HEG1: variants seen among roughly 807,000 people sequenced by gnomAD.
HEG1 encodes protein HEG homolog 1.
HEG1 carries 56 observed loss-of-function variants against 125.6 expected under a neutral mutation model. The observed-to-expected ratio is 0.45, with a 90% CI of 0.36 to 0.56. The LOEUF (loss-of-function observed/expected upper bound fraction) is 0.56. Ranked by LOEUF, HEG1 falls within the 20% of genes least tolerant of loss-of-function variation. The probability of loss-of-function intolerance (pLI) is 0.00; values close to 1 mark genes in which losing one functional copy is unlikely to be tolerated. For missense variants in HEG1, 1,523 were observed against 1,670.0 expected (o/e 0.91, Z 1.53); for synonymous variants, 644 against 668.5 (o/e 0.96, Z 0.57).
rs1936354301 is a variant in HEG1 at position 124,968,258 on chromosome 3, TGCA to T, written c.*2391_*2393del. 2 of 152,298 alleles carry T rather than the reference TGCA, an allele frequency of 1.3e-5. No homozygotes were observed. Among genetic ancestry groups the T allele is most frequent in the East Asian group, 3.9e-4 (2 of 5,176 alleles). The allele number at this position is 152,298 out of a possible 1,614,324, so 9.4% of individuals were successfully genotyped here. On this transcript the variant is annotated 3_prime_UTR_variant, in exon 17 of 17. Coordinates refer to ENST00000311127, the MANE Select transcript of HEG1 (RefSeq NM_020733.2). ...TGCAGCTAGGAACCCCGTGCAGGAG[TGCA>T]GCTGGCCTCTCCCTTCCTCACTGGG...
chr3:124,992,764 T>C (rs1444905638), intron 12 of HEG1, among the ~76,000 whole-genome samples: 1 of 152,250 alleles, frequency 6.6e-6, no homozygotes, highest in Non-Finnish European at 1.5e-5. Context: ...TATTAACATA[T>C]CACTAGAGTG....
chr3:124,987,418 C>T (rs1347868782), intron 14 of HEG1, among the ~76,000 whole-genome samples: 3 of 152,138 alleles, frequency 2.0e-5, no homozygotes, highest in East Asian at 1.9e-4. Flanking sequence ...CTCTCTCTTT[C>T]TCTGCCATCA....
chr3:124,998,921 A>G lies in HEG1; in HGVS notation c.3518-1098T>C, dbSNP rs140328063. Among the ~76,000 whole-genome samples, 487 of 152,314 alleles carry G rather than the reference A, an allele frequency of 3.2e-3. 1 individual carries two copies. Among genetic ancestry groups the G allele is most frequent in the Non-Finnish European group, 5.1e-3 (347 of 68,026 alleles). On this transcript the variant is annotated intron_variant, in intron 11 of 16. Transcript: ENST00000311127. ...GAAGAAAGATGCAAGGGGAAGGGCCATGTATCTATTGTGCAGGGAGGAATG... is the reference window on the plus strand; with the variant it reads ...GAAGAAAGATGCAAGGGGAAGGGCCGTGTATCTATTGTGCAGGGAGGAATG...
chr3:125,040,624 C>T (rs1241171981), intron 1 of HEG1, among the ~76,000 whole-genome samples: 1 of 152,064 alleles, frequency 6.6e-6, no homozygotes, highest in Non-Finnish European at 1.5e-5. Flanking sequence ...AGCAATGGAT[C>T]CTTATACCTA....
chr3:124,990,014 A>T (rs1386952977), intron 14 of HEG1, among the ~76,000 whole-genome samples: 1 of 152,084 alleles, frequency 6.6e-6, no homozygotes, highest in Non-Finnish European at 1.5e-5. Context: ...CAGAACACCA[A>T]GGGCCCATGG....
At chr3:124,979,117 T>A (rs1291148383) in intron 14 of HEG1, among the ~76,000 whole-genome samples, 3 of 151,874 alleles carry the variant, frequency 2.0e-5, no homozygotes, top group Non-Finnish European at 2.9e-5. Context: ...GCCCTGCTAA[T>A]TTTTTTGTGT....
In HEG1 at chr3:124,967,128, C is replaced by T. The variant is rs368469503; in HGVS notation, c.*3524G>A. Reference sequence around the variant, plus strand: ...TGTCTTAGCTGCTTCTGAAAATATACTTCCCCTCAAAGGAGGAAGATGTGT... The same window carrying T: ...TGTCTTAGCTGCTTCTGAAAATATATTTCCCCTCAAAGGAGGAAGATGTGT... On this transcript the variant is annotated 3_prime_UTR_variant, in exon 17 of 17. Coordinates refer to ENST00000311127, the MANE Select transcript of HEG1 (RefSeq NM_020733.2). The T allele has an allele frequency of 8.5e-5, 13 of 152,360 alleles. No homozygotes were observed. The highest frequency in any genetic ancestry group is 3.1e-4 in the African/African-American group (13 of 41,586). 9.4% of individuals were successfully genotyped at this position (152,360 alleles called of 1,614,324 possible).
intron 3 of HEG1, 140 bp downstream of exon 3, chr3:125,027,065 G>A: frequency 1.4e-6 from 1 of 694,848 alleles, no homozygotes; most frequent in Non-Finnish European, 2.3e-6. Context: ...CCAAGTACCT[G>A]GCATTAGAGG....
chr3:125,039,395 T>C (rs1187996805), intron 1 of HEG1, among the ~76,000 whole-genome samples: 1 of 151,988 alleles, frequency 6.6e-6, no homozygotes, highest in Non-Finnish European at 1.5e-5. Flanking sequence ...GTGGAGTGAG[T>C]AGGAGCATAC....
At chr3:125,019,803 C>T (rs1415355650) in intron 4 of HEG1, among the ~76,000 whole-genome samples, 3 of 152,182 alleles carry the variant, frequency 2.0e-5, no homozygotes, top group Non-Finnish European at 4.4e-5. Context: ...AAAAATATAA[C>T]TTGTTGAACA....
Position 125,027,268 on chromosome 3 carries a change from C to G in HEG1, c.850G>C (p.Asp284His). ...CTGTAGAAATGCAGCCAGGAGAGATCTGGTCCTGAGGAATTTCTCTTCCTA... is the reference window on the plus strand; with the variant it reads ...CTGTAGAAATGCAGCCAGGAGAGATGTGGTCCTGAGGAATTTCTCTTCCTA... ...PSRKRNSSGP[D>H]LSWLHFYRTA... The change falls in exon 3 of 17, where the codon GAT (aspartate) becomes CAT (histidine). Residue 284 changes from aspartate to histidine, a missense_variant. Physicochemically the swap from Asp to His is moderately conservative, Grantham distance 81 (BLOSUM62 -1). Coordinates refer to ENST00000311127, the MANE Select transcript of HEG1 (RefSeq NM_020733.2). 1.9e-6 allele frequency: 3 copies of G among 1,613,158 alleles called. No homozygotes were observed. Among genetic ancestry groups the G allele is most frequent in the Non-Finnish European group, 1.7e-6 (2 of 1,179,606 alleles).
At chr3:125,032,394 G>T (rs1407686231) in intron 1 of HEG1, among the ~76,000 whole-genome samples, 1 of 152,220 alleles carries the variant, frequency 6.6e-6, no homozygotes, top group Non-Finnish European at 1.5e-5. Flanking sequence ...TTTCCTGTGG[G>T]TGATAATTAA....
chr3:124,977,839 C>T lies in HEG1; in HGVS notation c.3821+20G>A, dbSNP rs750119980. The T allele has an allele frequency of 2.0e-5, 30 of 1,520,232 alleles. No homozygotes were observed. Among genetic ancestry groups the T allele is most frequent in the Non-Finnish European group, 2.6e-5 (29 of 1,117,412 alleles). 94.2% of individuals were successfully genotyped at this position (1,520,232 alleles called of 1,614,324 possible). Reference sequence around the variant, plus strand: ...CACAGGCAAAGGAACGGGATTGGAACCTGAACTCTCATCACTTACCTGCAA... The same window carrying T: ...CACAGGCAAAGGAACGGGATTGGAATCTGAACTCTCATCACTTACCTGCAA... On this transcript the variant is annotated intron_variant, in intron 15 of 16. Transcript: ENST00000311127.
intron 6 of HEG1, among the ~76,000 whole-genome samples, chr3:125,012,054 C>G (rs1937163925): frequency 6.6e-6 from 1 of 152,032 alleles, no homozygotes; most frequent in Non-Finnish European, 1.5e-5. Flanking sequence ...TCCCCACTCC[C>G]ATTTATCAAC....
rs1452213586 is a variant in HEG1 at position 125,009,692 on chromosome 3, CTAA to C, written c.3193+10_3193+12del. The C allele has an allele frequency of 3.7e-6, 6 of 1,608,282 alleles. No individual in the cohort carries two copies. In the South Asian group the frequency reaches 6.7e-5, roughly 18 times the overall value. On this transcript the variant is annotated intron_variant, in intron 8 of 16. Coordinates refer to ENST00000311127, the MANE Select transcript of HEG1 (RefSeq NM_020733.2). Reference sequence around the variant, plus strand: ...GGTACGGAATAAAGTCCGAAATAGACTAAGTCTCTTACCCAAATTGCATATCCC... The same window carrying C: ...GGTACGGAATAAAGTCCGAAATAGACGTCTCTTACCCAAATTGCATATCCC...
At chr3:125,032,586 G>A (rs1267803363) in intron 1 of HEG1, among the ~76,000 whole-genome samples, 1 of 152,232 alleles carries the variant, frequency 6.6e-6, no homozygotes, top group East Asian at 1.9e-4. Context: ...GTGGCCCACA[G>A]GGCATGTCCC....
chr3:125,009,695 AG>A lies in HEG1; in HGVS notation c.3193+9del, dbSNP rs772193552. On this transcript the variant is annotated intron_variant, in intron 8 of 16. Coordinates refer to ENST00000311127, the MANE Select transcript of HEG1 (RefSeq NM_020733.2). Reference sequence around the variant, plus strand: ...ACGGAATAAAGTCCGAAATAGACTAAGTCTCTTACCCAAATTGCATATCCCT... The same window carrying A: ...ACGGAATAAAGTCCGAAATAGACTAATCTCTTACCCAAATTGCATATCCCT... 1 of 1,609,372 alleles carries A rather than the reference AG, an allele frequency of 6.2e-7. No individual in the cohort carries two copies. Among genetic ancestry groups the A allele is most frequent in the Non-Finnish European group, 8.5e-7 (1 of 1,177,026 alleles).
At chr3:125,017,428 A>G (rs1455271516) in intron 5 of HEG1, among the ~76,000 whole-genome samples, 1 of 152,250 alleles carries the variant, frequency 6.6e-6, no homozygotes, top group Non-Finnish European at 1.5e-5. Context: ...TGGACTAGAC[A>G]TATTCAAAGA....
At chr3:125,025,395 G>C (rs769462998) in intron 3 of HEG1, among the ~76,000 whole-genome samples, 1 of 152,100 alleles carries the variant, frequency 6.6e-6, no homozygotes, top group Non-Finnish European at 1.5e-5. Flanking sequence ...ACTCTACCTC[G>C]AACTGAACAC....
Sources: allele counts gnomAD v4.1 joint callset (sites outside exome capture counted in the v4.1 genomes callset), GRCh38; gene constraint gnomAD v4.1.1; transcripts MANE v1.5; gene names NCBI Gene and HGNC (gene_info 2026-07-23, HGNC 2026-07-21).